Variants in TMPRSS9 observed in about 807,000 individuals in gnomAD.
TMPRSS9 encodes transmembrane serine protease 9, also known as transmembrane protease serine 9.
TMPRSS9 carries 113 observed loss-of-function variants against 111.4 expected under a neutral mutation model. The observed-to-expected ratio is 1.01, with a 90% CI of 0.87 to 1.19. The LOEUF (loss-of-function observed/expected upper bound fraction) is 1.19, where lower values mean the gene tolerates loss of function less well. TMPRSS9 is among the 50% of genes most tolerant of loss of function. TMPRSS9 has a pLI of 0.00. For missense variants in TMPRSS9, 1,803 were observed against 1,513.1 expected (o/e 1.19, Z -3.18); for synonymous variants, 805 against 659.1 (o/e 1.22, Z -3.39).
intron 1 of TMPRSS9, among the ~76,000 whole-genome samples, chr19:2,361,451 C>T (rs1354323292): frequency 6.6e-6 from 1 of 151,848 alleles, no homozygotes; most frequent in Non-Finnish European, 1.5e-5. Context: ...CCAGTTCTCA[C>T]CCTCGGAGCC....
intron 14 of TMPRSS9, among the ~76,000 whole-genome samples, chr19:2,422,570 G>C (rs182648476): frequency 2.9e-4 from 44 of 150,716 alleles, no homozygotes; most frequent in Non-Finnish European, 4.4e-5. Flanking sequence ...GCGAAACTCC[G>C]TCTCAAAAAA....
chr19:2,398,712 C>A (rs1313764012), intron 2 of TMPRSS9, 83 bp from the exon 4 acceptor site: 2 of 969,832 alleles, frequency 2.1e-6, no homozygotes, highest in East Asian at 5.2e-5. Context: ...TCTCCAGCTC[C>A]CTCCAACACC....
rs892874702 is a variant in TMPRSS9, at chr19:2,424,467, C to G, written c.2717+210C>G. 6.0e-5 allele frequency among the ~76,000 whole-genome samples: 9 copies of G among 150,694 alleles called. No homozygotes were observed. In the East Asian group the frequency reaches 1.8e-3, roughly 30 times the overall value. ...CCTGACCACCCACCCCCTAGCCTGA[C>G]CACACGGGGCTGGGGCTGCGAAGGC... On this transcript the variant is annotated intron_variant, in intron 15 of 17. Transcript: ENST00000648592.
chr19:2,405,867 G>GGCTAA (rs1970958349), intron 7 of TMPRSS9, among the ~76,000 whole-genome samples: 1 of 123,302 alleles, frequency 8.1e-6, no homozygotes, highest in Non-Finnish European at 1.7e-5. Flanking sequence ...CACCACGCCT[G>GGCTAA]TTGTATTTTT....
intron 1 of TMPRSS9, among the ~76,000 whole-genome samples, chr19:2,379,982 G>A (rs1007596110): frequency 4.6e-5 from 7 of 151,858 alleles, no homozygotes; most frequent in Non-Finnish European, 7.4e-5. Flanking sequence ...CTCCCATAGT[G>A]CTCAGCCTCC....
chr19:2,366,332 G>C (rs2145239514), intron 1 of TMPRSS9, among the ~76,000 whole-genome samples: 1 of 152,270 alleles, frequency 6.6e-6, no homozygotes, highest in East Asian at 1.9e-4. Flanking sequence ...GGGTGACAGA[G>C]TGAAACCCTA....
rs373213668 is a variant in TMPRSS9, at chr19:2,426,114, A to G, written c.*26A>G. The G allele has an allele frequency of 7.0e-6, 11 of 1,582,470 alleles. No individual in the cohort carries two copies. The South Asian group carries it at 9.2e-5, about 13-fold the overall frequency. On this transcript the variant is annotated 3_prime_UTR_variant, in exon 18 of 18. Transcript: ENST00000648592. ...CCACCACGTGACTGCCCAGGCCGAG[A>G]CTCTACGTGAAAGCAACAGGAGCAG...
chr19:2,362,295 T>TC (rs1970206967), intron 1 of TMPRSS9, among the ~76,000 whole-genome samples: 2 of 152,070 alleles, frequency 1.3e-5, no homozygotes, highest in African/African-American at 4.8e-5. Flanking sequence ...TGTGGTTGCG[T>TC]ATAGTTATGT....
Position 2,406,310 on chromosome 19 carries a change from G to A in TMPRSS9, c.842+765G>A, listed in dbSNP as rs189573874. Reference sequence around the variant, plus strand: ...TGGGATTACAGGCGTGAGCCACTGCGCCCGGCCTCTTTATTTTATTTTATT... The same window carrying A: ...TGGGATTACAGGCGTGAGCCACTGCACCCGGCCTCTTTATTTTATTTTATT... On this transcript the variant is annotated intron_variant, in intron 7 of 17. Transcript: ENST00000648592. 6.0e-4 allele frequency among the ~76,000 whole-genome samples: 88 copies of A among 147,254 alleles called. 2 individuals carry two copies. In the South Asian group the frequency reaches 0.018, roughly 30 times the overall value.
In TMPRSS9 at chr19:2,394,045, C is replaced by A. The variant is rs554385228; in HGVS notation, c.143-2494C>A. On this transcript the variant is annotated intron_variant, in intron 1 of 17. Coordinates refer to ENST00000648592, the Ensembl canonical transcript of TMPRSS9. ...ATGAAACCCCGTCTCTACTAAAATACAAAAAACATTAGTTGGTCATGGTGG... is the reference window on the plus strand; with the variant it reads ...ATGAAACCCCGTCTCTACTAAAATAAAAAAAACATTAGTTGGTCATGGTGG... Among the ~76,000 whole-genome samples, 9 of 151,914 alleles carry A rather than the reference C, an allele frequency of 5.9e-5. No homozygotes were observed. In the East Asian group the frequency reaches 1.7e-3, roughly 29 times the overall value.
intron 12 of TMPRSS9, among the ~76,000 whole-genome samples, chr19:2,417,089 G>A (rs189288577): frequency 1.3e-5 from 2 of 152,310 alleles, no homozygotes; most frequent in East Asian, 3.9e-4. Flanking sequence ...CTGCTTTCCT[G>A]CAATAGCAGC....
chr19:2,363,803 T>C (rs1314484447), intron 1 of TMPRSS9, among the ~76,000 whole-genome samples: 53 of 116,616 alleles, frequency 4.5e-4, no homozygotes, highest in South Asian at 1.6e-3. Flanking sequence ...TGTGTGTGTG[T>C]GCGTGCGCGC....
intron 2 of TMPRSS9, among the ~76,000 whole-genome samples, chr19:2,397,729 G>C (rs1001565637): frequency 2.6e-5 from 4 of 151,702 alleles, no homozygotes; most frequent in Middle Eastern, 3.2e-3. Context: ...AGACCAGCCT[G>C]AGCAACATGA....
chr19:2,408,116 G>T (rs908893288), intron 7 of TMPRSS9, among the ~76,000 whole-genome samples: 7 of 145,086 alleles, frequency 4.8e-5, no homozygotes, highest in Non-Finnish European at 1.6e-5. Context: ...ACTGTGTTTC[G>T]CTATGTTGCC....
exon 14 of TMPRSS9, chr19:2,421,988 C>A: frequency 6.2e-7 from 1 of 1,613,184 alleles, no homozygotes; most frequent in Non-Finnish European, 8.5e-7. Context: ...GGCTAAAGGG[C>A]TGGATCCTGG....
intron 13 of TMPRSS9, among the ~76,000 whole-genome samples, chr19:2,421,021 G>A (rs1052755338): frequency 2.0e-5 from 3 of 151,916 alleles, no homozygotes; most frequent in African/African-American, 7.3e-5. Context: ...CCTGGCCGAC[G>A]TGGTGAAGCC....
intron 14 of TMPRSS9, 127 bp from the exon 16 acceptor site, chr19:2,423,962 A>T: frequency 9.8e-7 from 1 of 1,019,392 alleles, no homozygotes; most frequent in Admixed American, 4.3e-5. Context: ...TTTTCCTGGG[A>T]TAGGTCCCCC....
exon 13 of TMPRSS9, chr19:2,418,095 T>A: frequency 1.9e-6 from 3 of 1,612,338 alleles, no homozygotes; most frequent in Non-Finnish European, 2.5e-6. Flanking sequence ...ACAGACCGCA[T>A]GATCTGCGCA....
chr19:2,400,743 G>A (rs1970817749), intron 4 of TMPRSS9, among the ~76,000 whole-genome samples: 1 of 151,908 alleles, frequency 6.6e-6, no homozygotes, highest in African/African-American at 2.4e-5. Flanking sequence ...GGAGGCCGAG[G>A]TGGGTGGATC....
Sources: allele counts gnomAD v4.1 joint callset (sites outside exome capture counted in the v4.1 genomes callset), GRCh38; gene constraint gnomAD v4.1.1; transcripts MANE v1.5; gene names NCBI Gene and HGNC (gene_info 2026-07-23, HGNC 2026-07-21).